Variants in LTBP1 observed in about 807,000 individuals in gnomAD.
The protein encoded by LTBP1 is latent transforming growth factor beta binding protein 1.
In LTBP1, 129 loss-of-function variants were observed where a neutral mutation model predicts 207.6. The observed-to-expected ratio is 0.62, with a 90% CI of 0.54 to 0.72. LTBP1 has a LOEUF of 0.72. Ranked by LOEUF, LTBP1 falls within the 30% of genes least tolerant of loss-of-function variation. LTBP1 has a pLI of 0.00. For missense variants in LTBP1, 2,281 were observed against 2,217.2 expected (o/e 1.03, Z -0.58); for synonymous variants, 963 against 833.7 (o/e 1.16, Z -2.67).
chr2:33,225,514 G>T (rs1176564325), intron 9 of LTBP1, among the ~76,000 whole-genome samples: 1 of 152,164 alleles, frequency 6.6e-6, no homozygotes, highest in Non-Finnish European at 1.5e-5. Flanking sequence ...AAGAGAACTT[G>T]TGCAGGGGAA....
chr2:33,118,214 A>C (rs927294576), intron 4 of LTBP1, among the ~76,000 whole-genome samples: 1 of 151,460 alleles, frequency 6.6e-6, no homozygotes, highest in Non-Finnish European at 1.5e-5. Context: ...CAAAAAAAAA[A>C]CAACAAAAAA....
chr2:33,356,646 T>G (rs2094865384), intron 26 of LTBP1, among the ~76,000 whole-genome samples: 2 of 152,124 alleles, frequency 1.3e-5, no homozygotes, highest in African/African-American at 4.8e-5. Context: ...TGAGTCTGTC[T>G]CAAAAAACAA....
intron 22 of LTBP1, among the ~76,000 whole-genome samples, chr2:33,304,194 C>G (rs2094046254): frequency 6.6e-6 from 1 of 152,152 alleles, no homozygotes; most frequent in South Asian, 2.1e-4. Context: ...CTTTTAAAGT[C>G]AGGACTAGTT....
chr2:33,013,540 C>CATTTTGTGTATATAATTTG (rs1347501274), intron 2 of LTBP1, among the ~76,000 whole-genome samples: 5 of 151,620 alleles, frequency 3.3e-5, no homozygotes, highest in African/African-American at 1.2e-4. Flanking sequence ...ATACACTAAA[C>CATTTTGTGTATATAATTTG]TGTAGATAGA....
chr2:33,065,596 A>G (rs146596760), intron 3 of LTBP1, among the ~76,000 whole-genome samples: 192 of 152,006 alleles, frequency 1.3e-3, no homozygotes, highest in African/African-American at 4.6e-3. Flanking sequence ...GTCAGGGTGT[A>G]TTAGCCTTTT....
chr2:33,160,465 G>GTC (rs1333044623), intron 5 of LTBP1, among the ~76,000 whole-genome samples: 1 of 152,180 alleles, frequency 6.6e-6, no homozygotes, highest in Admixed American at 6.5e-5. Context: ...CCAGGAGCTT[G>GTC]AATGCCTGTG....
At chr2:33,072,809 AT>A (rs1425675370) in intron 3 of LTBP1, among the ~76,000 whole-genome samples, 2 of 152,218 alleles carry the variant, frequency 1.3e-5, no homozygotes, top group African/African-American at 4.8e-5. Context: ...GGAAAAAGTT[AT>A]GGAAAAGCAT....
At chr2:33,193,727 T>C (rs1238276567) in intron 7 of LTBP1, among the ~76,000 whole-genome samples, 1 of 152,162 alleles carries the variant, frequency 6.6e-6, no homozygotes, top group Non-Finnish European at 1.5e-5. Flanking sequence ...TGATGTGTGA[T>C]AAGTGATTTT....
chr2:32,962,729 A>AT, intron 2 of LTBP1, among the ~76,000 whole-genome samples: 1 of 152,368 alleles, frequency 6.6e-6, no homozygotes, highest in South Asian at 2.1e-4. Context: ...TCTTCCTTTA[A>AT]TACAGAGTGC....
At chr2:33,276,248 A>T (rs969617083) in intron 18 of LTBP1, among the ~76,000 whole-genome samples, 9 of 152,352 alleles carry the variant, frequency 5.9e-5, no homozygotes, top group African/African-American at 2.2e-4. Context: ...ATCTGGGAAC[A>T]TGCTGCAGGT....
chr2:32,970,741 C>G (rs900873427), intron 2 of LTBP1, among the ~76,000 whole-genome samples: 9 of 144,702 alleles, frequency 6.2e-5, no homozygotes, highest in African/African-American at 2.2e-4. Context: ...GTTGTTTGGG[C>G]TCTTTTTTTT....
chr2:33,017,370 A>G (rs1688531421), intron 2 of LTBP1, among the ~76,000 whole-genome samples: 1 of 152,116 alleles, frequency 6.6e-6, no homozygotes, highest in Middle Eastern at 3.2e-3. Flanking sequence ...CTCAAACCTG[A>G]GTGTGCATCG....
In LTBP1 at chr2:33,365,316, T is replaced by A; in HGVS notation, c.4541-17T>A. Reference sequence around the variant, plus strand: ...AATAACTGTGCGATTTTCATGGAACTATGTCTTCCCTTTCAGAACAAATAG... The same window carrying A: ...AATAACTGTGCGATTTTCATGGAACAATGTCTTCCCTTTCAGAACAAATAG... On this transcript the variant is annotated splice_polypyrimidine_tract_variant and intron_variant, in intron 30 of 33. Transcript: ENST00000404816. The A allele has an allele frequency of 1.4e-5, 23 of 1,613,098 alleles. No individual in the cohort carries two copies. The highest frequency in any genetic ancestry group is 1.9e-5 in the Non-Finnish European group (22 of 1,179,134).
intron 19 of LTBP1, among the ~76,000 whole-genome samples, chr2:33,285,432 C>G (rs1048403100): frequency 1.4e-5 from 2 of 146,330 alleles, no homozygotes; most frequent in Non-Finnish European, 3.0e-5. Context: ...GGAGCATTCT[C>G]TTTTCTTTCT....
At chr2:33,363,960 C>T (rs190339073) in intron 29 of LTBP1, among the ~76,000 whole-genome samples, 76 of 152,310 alleles carry the variant, frequency 5.0e-4, no homozygotes, top group African/African-American at 1.8e-3. Context: ...TCTTAAATTT[C>T]TAAGCATATC....
At chr2:33,019,329 T>A (rs1207066157) in intron 2 of LTBP1, among the ~76,000 whole-genome samples, 3 of 85,330 alleles carry the variant, frequency 3.5e-5, no homozygotes, top group Admixed American at 1.3e-4. Context: ...TGTACACTTC[T>A]TTTTTTTTTT....
intron 24 of LTBP1, among the ~76,000 whole-genome samples, chr2:33,329,899 G>A (rs950503462): frequency 1.2e-4 from 18 of 151,892 alleles, no homozygotes; most frequent in Non-Finnish European, 1.9e-4. Context: ...TTATAATCAG[G>A]TGATCAATTT....
At chr2:33,029,932 C>G (rs2075613990) in intron 3 of LTBP1, among the ~76,000 whole-genome samples, 1 of 152,160 alleles carries the variant, frequency 6.6e-6, no homozygotes, top group African/African-American at 2.4e-5. Context: ...ATGTGACAAC[C>G]TATTCATTAC....
At chr2:32,966,294 C>T (rs1679995708) in intron 2 of LTBP1, among the ~76,000 whole-genome samples, 1 of 152,114 alleles carries the variant, frequency 6.6e-6, no homozygotes. Context: ...TCATTCTTCT[C>T]AGTGTCTTTT....
Sources: allele counts gnomAD v4.1 joint callset (sites outside exome capture counted in the v4.1 genomes callset), GRCh38; gene constraint gnomAD v4.1.1; transcripts MANE v1.5; gene names NCBI Gene and HGNC (gene_info 2026-07-23, HGNC 2026-07-21).